Variants in NBPF14 observed in about 807,000 individuals in gnomAD.
NBPF14 encodes the protein NBPF member 14.
NBPF14 carries 104 observed loss-of-function variants against 91.2 expected under a neutral mutation model. That is an observed-to-expected ratio of 1.14 (90% CI 0.97 to 1.34). NBPF14 has a LOEUF of 1.34. Among genes scored for constraint, NBPF14 ranks in the 40% most tolerant of loss-of-function variants. The pLI, the probability that NBPF14 is intolerant of heterozygous loss-of-function variation, is 0.00. For missense variants in NBPF14, 908 were observed against 783.0 expected, an observed-to-expected ratio of 1.16 and a Z score of -1.91; for synonymous variants, 294 against 303.8, an observed-to-expected ratio of 0.97 and a Z score of 0.34.
Position 148,591,283 on chromosome 1 carries a change from G to A in NBPF14, c.566+149C>T, listed in dbSNP as rs1432737708. 144 of 1,234,900 alleles carry A rather than the reference G, an allele frequency of 1.2e-4. 5 individuals are homozygous for A. The highest frequency in any genetic ancestry group is 8.9e-4 in the Admixed American group (51 of 57,050). 76.5% of individuals were successfully genotyped at this position (1,234,900 alleles called of 1,614,324 possible). On this transcript the variant is annotated intron_variant, in intron 5 of 70. Transcript: ENST00000619423. ...CACATAGAGAAACACGACAGCTGCC[G>A]CACCCTGTGTCTAAGCTGGGTTGAA...
chr1:148,561,818 CAGAG>C (rs1192573908), intron 34 of NBPF14, among the ~76,000 whole-genome samples: 1,806 of 127,368 alleles, frequency 0.014, 84 homozygotes, highest in African/African-American at 0.044. Context: ...CACACACACA[CAGAG>C]AGAGAGAGAG....
chr1:148,558,295 G>A, exon 39 of NBPF14: 5 of 80,146 alleles, frequency 6.2e-5, no homozygotes, highest in Non-Finnish European at 7.8e-5. Context: ...CCTCCAATGA[G>A]TAAACAGCAC....
intron 12 of NBPF14, among the ~76,000 whole-genome samples, chr1:148,580,922 T>A (rs1434903481): frequency 9.5e-6 from 1 of 105,696 alleles, no homozygotes; most frequent in East Asian, 2.4e-4. Context: ...GTTAGTTACA[T>A]ATGTATACAT....
Position 148,587,283 on chromosome 1 carries a change from C to T in NBPF14, c.1091+18G>A. On this transcript the variant is annotated intron_variant, in intron 8 of 70. Transcript: ENST00000619423. The stretch of plus-strand genomic sequence containing the variant: ...TTACACACCTGCCCCCCTGCCTGCC[C>T]CCATGGGGTCCCCTCACCTGAGCTC... 1.9e-6 allele frequency: 3 copies of T among 1,568,978 alleles called. 1 individual carries two copies. In the African/African-American group the frequency reaches 4.1e-5, roughly 21 times the overall value.
intron 8 of NBPF14, among the ~76,000 whole-genome samples, chr1:148,586,916 CATTG>C (rs1661633655): frequency 7.0e-6 from 1 of 143,616 alleles, no homozygotes; most frequent in Admixed American, 7.0e-5. Context: ...GAGGAGGCAA[CATTG>C]ATTGAGTGAA....
chr1:148,572,330 C>T lies in NBPF14; in HGVS notation c.2758+113G>A, dbSNP rs1659223477. The T allele has an allele frequency of 7.5e-5, 20 of 266,680 alleles. No individual in the cohort carries two copies. The Middle Eastern group carries it at 2.7e-3, about 36-fold the overall frequency. 16.5% of individuals were successfully genotyped at this position (266,680 alleles called of 1,614,324 possible). A position where few individuals can be genotyped will look rare whatever the true frequency, so the allele number is the denominator to read the frequency against. ...TTACAACCTATATGCGCCCATAGGT[C>T]CTGCCTGCGGCAATGACGTCTCTCG... On this transcript the variant is annotated intron_variant, in intron 21 of 70. Coordinates refer to ENST00000619423, the Ensembl canonical transcript of NBPF14.
chr1:148,587,181 G>C, intron 8 of NBPF14, 120 bp downstream of exon 8: 3 of 819,628 alleles, frequency 3.7e-6, no homozygotes, highest in Non-Finnish European at 6.2e-6. Flanking sequence ...TAGCGAGCCT[G>C]CCATGGCAAT....
chr1:148,534,819 C>A (rs1266718490), exon 69 of NBPF14: 24 of 1,129,730 alleles, frequency 2.1e-5, no homozygotes, highest in Non-Finnish European at 3.2e-5. Flanking sequence ...TCCTGCAAGA[C>A]TTCAGGATCT....
In NBPF14 at chr1:148,593,269, A is replaced by T. The variant is rs1284966547; in HGVS notation, c.278+329T>A. ...GTCAGTCAGGAGGTGATTCTCACTA[A>T]GGGTAAGTGGGGTGGCGATAGCACA... On this transcript the variant is annotated intron_variant, in intron 3 of 70. Coordinates refer to ENST00000619423, the Ensembl canonical transcript of NBPF14. Among the ~76,000 whole-genome samples, 4 of 148,788 alleles carry T rather than the reference A, an allele frequency of 2.7e-5. 1 individual carries two copies. Among genetic ancestry groups the T allele is most frequent in the Non-Finnish European group, 6.0e-5 (4 of 66,324 alleles).
intron 69 of NBPF14, among the ~76,000 whole-genome samples, 173 bp downstream of exon 69, chr1:148,534,511 T>C (rs1170472378): frequency 6.6e-6 from 1 of 151,792 alleles, no homozygotes; most frequent in Non-Finnish European, 1.5e-5. Context: ...CTGACCCATT[T>C]CATGTCTAGG....
At chr1:148,577,735 C>T (rs1248686757) in intron 14 of NBPF14, among the ~76,000 whole-genome samples, 7 of 141,178 alleles carry the variant, frequency 5.0e-5, no homozygotes, top group East Asian at 2.0e-4. Context: ...TCAAGTTTCC[C>T]GGCAGTTACC....
intron 22 of NBPF14, among the ~76,000 whole-genome samples, chr1:148,571,238 C>G (rs1219132125): frequency 2.6e-5 from 2 of 77,802 alleles, no homozygotes; most frequent in East Asian, 6.4e-4. Flanking sequence ...CAGATAGACA[C>G]ACACACACAC....
chr1:148,587,230 C>G, intron 8 of NBPF14, 71 bp downstream of exon 8: 4 of 1,337,036 alleles, frequency 3.0e-6, no homozygotes, highest in Non-Finnish European at 4.3e-6. Context: ...TCTTACGTCT[C>G]CCCACTGAGC....
At chr1:148,572,542 G>C in exon 21 of NBPF14, 1 of 651,126 alleles carries the variant, frequency 1.5e-6, no homozygotes, top group Non-Finnish European at 2.7e-6. Flanking sequence ...TAACCTGAAG[G>C]AGTCGAATAA....
At chr1:148,575,844 A>C (rs1659592567) in intron 16 of NBPF14, 33 bp from the exon 17 acceptor site, 4 of 314,798 alleles carry the variant, frequency 1.3e-5, no homozygotes, top group Non-Finnish European at 1.1e-5. Flanking sequence ...AGAATAAGCC[A>C]GGGGGAATCA....
chr1:148,534,751 G>C (rs782445061), exon 69 of NBPF14: 7 of 815,268 alleles, frequency 8.6e-6, no homozygotes, highest in Non-Finnish European at 8.7e-6. Context: ...TGTAGGGCTG[G>C]CCTAAGTCAG....
At chr1:148,566,356 T>C (rs1471662609) in intron 28 of NBPF14, 41 bp from the exon 29 acceptor site, 17 of 751,010 alleles carry the variant, frequency 2.3e-5, no homozygotes, top group Non-Finnish European at 3.6e-5. Flanking sequence ...CCAGGGGAAA[T>C]CAGACACAAC....
In NBPF14 at chr1:148,572,545, T is replaced by C. The variant is rs1450254257; in HGVS notation, c.2656A>G (p.Thr886Ala). 5 of 646,034 alleles carry C rather than the reference T, an allele frequency of 7.7e-6. 1 individual carries two copies. Among genetic ancestry groups the C allele is most frequent in the Non-Finnish European group, 1.4e-5 (5 of 365,074 alleles). 40.0% of individuals were successfully genotyped at this position (646,034 alleles called of 1,614,324 possible). Reference sequence around the variant, plus strand: ...GGCAGTTCAAGATAACCTGAAGGAGTCGAATAACATCTATCCAGTGAGTCC... The same window carrying C: ...GGCAGTTCAAGATAACCTGAAGGAGCCGAATAACATCTATCCAGTGAGTCC... Residue 886 changes from threonine to alanine, a missense_variant, in exon 21 of 71, where the codon ACT becomes GCT. Physicochemically the swap from Thr to Ala is moderately conservative, Grantham distance 58. This residue lies in a region of NBPF14 where 447 missense variants were observed against 189.1 expected (regional missense o/e 2.36). Coordinates refer to ENST00000619423, the Ensembl canonical transcript of NBPF14.
At chr1:148,577,543 G>T (rs1385734572) in intron 14 of NBPF14, among the ~76,000 whole-genome samples, 188 bp from the exon 15 acceptor site, 1 of 141,144 alleles carries the variant, frequency 7.1e-6, no homozygotes, top group Admixed American at 6.9e-5. Context: ...GAACGAGAAA[G>T]ACACACACAC....
Sources: gnomAD v4.1 joint callset for allele counts (sites outside exome capture counted in the v4.1 genomes callset) on GRCh38, gnomAD v4.1.1 for gene constraint, gnomAD v4.1.1 regional missense constraint, MANE v1.5 for transcripts, NCBI Gene and HGNC (gene_info 2026-07-23, HGNC 2026-07-21) for gene names.